The following PSD3 variants were observed in gnomAD, a reference collection of about 807,000 sequenced individuals.
PSD3 encodes pleckstrin and Sec7 domain containing 3.
A neutral mutation model predicts 105.5 loss-of-function variants in PSD3; 49 were observed. The ratio of observed to expected loss-of-function variants is 0.46; its 90% CI spans 0.37 to 0.59. The LOEUF (loss-of-function observed/expected upper bound fraction) is 0.59. Ranked by LOEUF, PSD3 falls within the 20% of genes least tolerant of loss-of-function variation. The probability of loss-of-function intolerance (pLI) is 0.00; values close to 1 mark genes in which losing one functional copy is unlikely to be tolerated. For synonymous variants in PSD3, 557 were observed against 457.8 expected (o/e 1.22, Z -2.77); for missense variants, 1,561 against 1,263.8 (o/e 1.24, Z -3.57).
chr8:19,016,204 C>T (rs1827173373), upstream of PSD3, among the ~76,000 whole-genome samples: 2 of 152,160 alleles, frequency 1.3e-5, no homozygotes, highest in South Asian at 4.2e-4. Flanking sequence ...TACACAAGCA[C>T]CCGCCTTGGT....
At chr8:18,918,241 T>A (rs1455182288) in intron 2 of PSD3, among the ~76,000 whole-genome samples, 1 of 152,192 alleles carries the variant, frequency 6.6e-6, no homozygotes, top group African/African-American at 2.4e-5. Context: ...CACAGCTTTA[T>A]ATGTGCTTCT....
Position 18,997,571 on chromosome 8 carries a change from C to T in PSD3, c.21+15992G>A, listed in dbSNP as rs778443178. Among the ~76,000 whole-genome samples, 55 of 151,988 alleles carry T rather than the reference C, an allele frequency of 3.6e-4. 1 individual carries two copies. Among genetic ancestry groups the T allele is most frequent in the Non-Finnish European group, 7.1e-4 (48 of 67,980 alleles). ...TCATGTCCCATCTTTATTTGAAACTCTCTAACAGGCTTCTCTGCTCACTCT... is the reference window on the plus strand; with the variant it reads ...TCATGTCCCATCTTTATTTGAAACTTTCTAACAGGCTTCTCTGCTCACTCT... On this transcript the variant is annotated intron_variant, in intron 1 of 15. Coordinates refer to ENST00000327040, the MANE Select transcript of PSD3 (RefSeq NM_015310.4).
At position 18,592,619 on chromosome 8, in the gene PSD3, T is replaced by C. The variant is rs7814830; in HGVS notation, c.2481+7745A>G. 3.3e-3 allele frequency among the ~76,000 whole-genome samples: 495 copies of C among 152,212 alleles called. 3 individuals carry two copies. The highest frequency in any genetic ancestry group is 0.011 in the African/African-American group (465 of 41,544). On this transcript the variant is annotated intron_variant, in intron 12 of 15. Coordinates refer to ENST00000327040, the MANE Select transcript of PSD3 (RefSeq NM_015310.4). Reference sequence around the variant, plus strand: ...AAAGTAGCAAAAGAAAAGTGATTGGTCTGTGTATTTCTCAGCATAAATGAT... The same window carrying C: ...AAAGTAGCAAAAGAAAAGTGATTGGCCTGTGTATTTCTCAGCATAAATGAT...
chr8:18,923,914 T>A (rs6995164), intron 2 of PSD3, among the ~76,000 whole-genome samples: 3,328 of 151,966 alleles, frequency 0.022, 134 homozygotes, highest in African/African-American at 0.075. Context: ...ATGTGTGTGT[T>A]TTATATATAT....
At chr8:19,055,948 C>A (rs750121777) in intron 1 of PSD3, among the ~76,000 whole-genome samples, 1 of 152,226 alleles carries the variant, frequency 6.6e-6, no homozygotes, top group African/African-American at 2.4e-5. Flanking sequence ...GTTATCTGTT[C>A]TCTTATTAAA....
At chr8:18,601,750 A>G (rs1386649320) in intron 11 of PSD3, among the ~76,000 whole-genome samples, 2 of 152,212 alleles carry the variant, frequency 1.3e-5, no homozygotes, top group African/African-American at 4.8e-5. Context: ...AGATAAACAG[A>G]TAACCATACA....
intron 8 of PSD3, among the ~76,000 whole-genome samples, chr8:18,777,952 T>C (rs1003416348): frequency 3.3e-5 from 5 of 152,204 alleles, no homozygotes; most frequent in Non-Finnish European, 7.3e-5. Context: ...TGTAATTTTA[T>C]CCACGTTACC....
intron 9 of PSD3, among the ~76,000 whole-genome samples, chr8:18,663,877 C>T (rs1809533988): frequency 6.6e-6 from 1 of 152,162 alleles, no homozygotes; most frequent in East Asian, 1.9e-4. Context: ...TTTTTTCCAG[C>T]AGCACAGTTT....
intron 11 of PSD3, among the ~76,000 whole-genome samples, chr8:18,631,938 T>C (rs1585442266): frequency 6.6e-6 from 1 of 152,012 alleles, no homozygotes; most frequent in Admixed American, 6.6e-5. Context: ...GTATATCAAA[T>C]TGCTATTTCA....
At chr8:18,619,337 C>T (rs1342056390) in intron 11 of PSD3, among the ~76,000 whole-genome samples, 1 of 152,124 alleles carries the variant, frequency 6.6e-6, no homozygotes, top group Non-Finnish European at 1.5e-5. Flanking sequence ...CAATAAGATA[C>T]CAGATTATAA....
At chr8:18,587,843 G>A (rs1048408115) in intron 12 of PSD3, among the ~76,000 whole-genome samples, 1 of 152,090 alleles carries the variant, frequency 6.6e-6, no homozygotes, top group African/African-American at 2.4e-5. Context: ...AATAGCTTTG[G>A]GAGGATATAA....
intron 1 of PSD3, among the ~76,000 whole-genome samples, chr8:19,073,151 T>TC (rs1433080871): frequency 5.1e-5 from 3 of 59,102 alleles, no homozygotes; most frequent in East Asian, 7.0e-4. Context: ...CCCATTTTTT[T>TC]TCCCATAAGG....
At chr8:18,787,601 T>C (rs1350448423) in intron 8 of PSD3, among the ~76,000 whole-genome samples, 1 of 152,134 alleles carries the variant, frequency 6.6e-6, no homozygotes, top group Non-Finnish European at 1.5e-5. Context: ...CAAATATTAA[T>C]CAAAAGTCAA....
At chr8:18,690,254 C>T (rs1363557409) in intron 9 of PSD3, among the ~76,000 whole-genome samples, 1 of 152,136 alleles carries the variant, frequency 6.6e-6, no homozygotes, top group African/African-American at 2.4e-5. Flanking sequence ...GCTCCCTGTC[C>T]TTGACCTGGC....
rs1458735089 is a variant in PSD3 at position 18,569,899 on chromosome 8, C to G, written c.2784+2629G>C. Among the ~76,000 whole-genome samples the G allele has an allele frequency of 2.3e-4, 4 of 17,444 alleles. 2 individuals carry two copies. The highest frequency in any genetic ancestry group is 4.3e-4 in the African/African-American group (4 of 9,214). 11.4% of individuals were successfully genotyped at this position (17,444 alleles called of 152,430 possible). A position where few individuals can be genotyped will look rare whatever the true frequency, so the allele number is the denominator to read the frequency against. ...ATATCGTGAAAATGGCCATACTGCCCAAGGTAATTTACAGATTCAATGCCA... is the reference window on the plus strand; with the variant it reads ...ATATCGTGAAAATGGCCATACTGCCGAAGGTAATTTACAGATTCAATGCCA... On this transcript the variant is annotated intron_variant, in intron 14 of 15. Transcript: ENST00000327040.
chr8:18,831,526 A>T (rs1306353126), intron 4 of PSD3, among the ~76,000 whole-genome samples: 1 of 152,210 alleles, frequency 6.6e-6, no homozygotes, highest in African/African-American at 2.4e-5. Context: ...GTTTGAGAGC[A>T]GCCTGGCCAA....
chr8:18,672,960 C>T (rs574549727), intron 9 of PSD3, among the ~76,000 whole-genome samples: 9 of 151,978 alleles, frequency 5.9e-5, no homozygotes, highest in Admixed American at 2.0e-4. Flanking sequence ...TGTCTACATT[C>T]CTTCTGATTC....
In PSD3 at chr8:18,800,271, T is replaced by C. The variant is rs1400338570; in HGVS notation, c.2024-918A>G. Among the ~76,000 whole-genome samples the C allele has an allele frequency of 2.0e-4, 30 of 152,192 alleles. 1 individual carries two copies. Among genetic ancestry groups the C allele is most frequent in the Admixed American group, 1.9e-3 (29 of 15,274 alleles). On this transcript the variant is annotated intron_variant, in intron 7 of 15. Coordinates refer to ENST00000327040, the MANE Select transcript of PSD3 (RefSeq NM_015310.4). Reference sequence around the variant, plus strand: ...CCCACTTTTATCTCCTTCATTCTCTTGTCAGGGCTAATGGTGACAGAGATA... The same window carrying C: ...CCCACTTTTATCTCCTTCATTCTCTCGTCAGGGCTAATGGTGACAGAGATA...
intron 2 of PSD3, among the ~76,000 whole-genome samples, chr8:18,901,986 T>C (rs969263180): frequency 1.3e-5 from 2 of 152,306 alleles, no homozygotes; most frequent in Admixed American, 6.5e-5. Context: ...TTGTGTCAAT[T>C]TGACATAAAT....
Sources: allele counts gnomAD v4.1 joint callset (sites outside exome capture counted in the v4.1 genomes callset), GRCh38; gene constraint gnomAD v4.1.1; transcripts MANE v1.5; gene names NCBI Gene and HGNC (gene_info 2026-07-23, HGNC 2026-07-21).